The following DOCK2 variants were observed in gnomAD, a reference collection of about 807,000 sequenced individuals.
DOCK2 encodes the protein dedicator of cytokinesis 2.
Under a neutral mutation model 248.9 loss-of-function variants are expected in DOCK2, and 87 were observed. The ratio of observed to expected loss-of-function variants is 0.35; its 90% CI spans 0.29 to 0.42. The LOEUF is 0.42. Among genes scored for constraint, DOCK2 ranks in the 10% least tolerant of loss-of-function variants. DOCK2 has a pLI of 1.00. For missense variants in DOCK2, 1,747 were observed against 2,300.2 expected (o/e 0.76, Z 4.92); for synonymous variants, 805 against 821.6 (o/e 0.98, Z 0.35).
At position 169,954,424 on chromosome 5, in the gene DOCK2, T is replaced by A. The variant is rs145505940; in HGVS notation, c.2800-28644T>A. 2.0e-3 allele frequency among the ~76,000 whole-genome samples: 311 copies of A among 152,338 alleles called. 1 individual carries two copies. Among genetic ancestry groups the A allele is most frequent in the African/African-American group, 7.0e-3 (293 of 41,594 alleles). ...ATTTTTCAGTTTTATCTTTTTGTATTTTGAAGCCCCAAAAAATGTGTTTTC... is the reference window on the plus strand; with the variant it reads ...ATTTTTCAGTTTTATCTTTTTGTATATTGAAGCCCCAAAAAATGTGTTTTC... On this transcript the variant is annotated intron_variant, in intron 27 of 51. Transcript: ENST00000520908.
chr5:169,893,787 T>A (rs1773433585), intron 27 of DOCK2, among the ~76,000 whole-genome samples: 1 of 152,202 alleles, frequency 6.6e-6, no homozygotes, highest in Non-Finnish European at 1.5e-5. Flanking sequence ...AGGCCACTTC[T>A]AAGTTATTTT....
At chr5:169,911,535 G>A (rs987832573) in intron 27 of DOCK2, among the ~76,000 whole-genome samples, 12 of 152,278 alleles carry the variant, frequency 7.9e-5, no homozygotes, top group Non-Finnish European at 1.8e-4. Context: ...GAGTTCCTGA[G>A]ACAGTTTGAG....
intron 44 of DOCK2, among the ~76,000 whole-genome samples, chr5:170,062,232 G>A (rs1757359169): frequency 6.6e-6 from 1 of 151,924 alleles, no homozygotes; most frequent in Non-Finnish European, 1.5e-5. Flanking sequence ...TCAGGGTAAG[G>A]GAGTAAGGAG....
intron 27 of DOCK2, among the ~76,000 whole-genome samples, chr5:169,928,481 G>A (rs1775583805): frequency 6.6e-6 from 1 of 152,210 alleles, no homozygotes; most frequent in African/African-American, 2.4e-5. Context: ...GCTTCCCCAT[G>A]CATCAGTGCT....
rs113289730 is a variant in DOCK2 at position 170,008,489 on chromosome 5, A to C, written c.3073-8A>C. 2 of 1,613,828 alleles carry C rather than the reference A, an allele frequency of 1.2e-6. No individual in the cohort carries two copies. The highest frequency in any genetic ancestry group is 2.7e-5 in the African/African-American group (2 of 74,890). The stretch of plus-strand genomic sequence containing the variant: ...CTCCATAACTGTTCTCTGCTCTTTC[A>C]TTTACAGCTGTGGAACAACTATTTT... On this transcript the variant is annotated splice_polypyrimidine_tract_variant and splice_region_variant and intron_variant, in intron 30 of 51. Coordinates refer to ENST00000520908, the MANE Select transcript of DOCK2 (RefSeq NM_004946.3).
At chr5:169,979,474 G>GAGGT (rs1168628430) in intron 27 of DOCK2, among the ~76,000 whole-genome samples, 2 of 152,194 alleles carry the variant, frequency 1.3e-5, no homozygotes, top group East Asian at 3.9e-4. Flanking sequence ...TATGACAAAA[G>GAGGT]AGGTGGTTTT....
chr5:169,823,271 G>A (rs918659547), intron 26 of DOCK2, among the ~76,000 whole-genome samples: 4 of 152,120 alleles, frequency 2.6e-5, no homozygotes, highest in Admixed American at 6.5e-5. Context: ...CTCATTTTAC[G>A]AGGTCAGCAT....
In DOCK2 at chr5:170,038,065, A is replaced by G. The variant is rs948118380; in HGVS notation, c.3665+1510A>G. ...TGGGATATTTATAACATCACTAGTC[A>G]TACCTTATTGTAGCAGCACAAAGCT... On this transcript the variant is annotated intron_variant, in intron 36 of 51. Transcript: ENST00000520908. Among the ~76,000 whole-genome samples the G allele has an allele frequency of 7.2e-5, 11 of 152,348 alleles. No individual in the cohort carries two copies. In the East Asian group the frequency reaches 2.1e-3, roughly 29 times the overall value.
At chr5:169,910,947 T>C (rs1384365583) in intron 27 of DOCK2, among the ~76,000 whole-genome samples, 1 of 152,128 alleles carries the variant, frequency 6.6e-6, no homozygotes, top group African/African-American at 2.4e-5. Flanking sequence ...GTCCTTCCTA[T>C]ATCTGGGGTA....
chr5:169,919,721 G>A (rs887386821), intron 27 of DOCK2, among the ~76,000 whole-genome samples: 11 of 152,156 alleles, frequency 7.2e-5, no homozygotes, highest in African/African-American at 2.4e-4. Flanking sequence ...TTCCCCTGGC[G>A]ATTCTCTGAG....
At chr5:169,775,415 T>C (rs1765330685) in intron 25 of DOCK2, among the ~76,000 whole-genome samples, 1 of 152,092 alleles carries the variant, frequency 6.6e-6, no homozygotes, top group African/African-American at 2.4e-5. Context: ...TGCTGCTTGA[T>C]AGTCTGTCTC....
intron 36 of DOCK2, among the ~76,000 whole-genome samples, chr5:170,039,338 A>G (rs1394913757): frequency 6.6e-6 from 1 of 151,688 alleles, no homozygotes; most frequent in Non-Finnish European, 1.5e-5. Flanking sequence ...ACCATAGACC[A>G]CTCCTTCACA....
intron 27 of DOCK2, among the ~76,000 whole-genome samples, chr5:169,940,036 G>A (rs1210932441): frequency 6.6e-6 from 1 of 152,174 alleles, no homozygotes; most frequent in Non-Finnish European, 1.5e-5. Flanking sequence ...CATTCCCCAG[G>A]GAGTTTTCTC....
chr5:170,047,162 GA>G (rs1756743680), intron 39 of DOCK2, among the ~76,000 whole-genome samples: 2 of 152,104 alleles, frequency 1.3e-5, no homozygotes, highest in African/African-American at 4.8e-5. Flanking sequence ...TGGGAGCAGA[GA>G]TGCAATGATG....
At chr5:169,669,107 T>C (rs1394091433) in intron 2 of DOCK2, among the ~76,000 whole-genome samples, 181 bp from the exon 3 acceptor site, 2 of 152,180 alleles carry the variant, frequency 1.3e-5, no homozygotes, top group African/African-American at 2.4e-5. Context: ...TATTTTGAGA[T>C]GTTGGCAACC....
At chr5:169,794,717 G>C (rs2113085560) in intron 25 of DOCK2, among the ~76,000 whole-genome samples, 2 of 152,300 alleles carry the variant, frequency 1.3e-5, no homozygotes, top group East Asian at 3.9e-4. Flanking sequence ...GAGGTCAGGA[G>C]ATCGAGACCA....
At chr5:169,912,399 G>T (rs1287913653) in intron 27 of DOCK2, among the ~76,000 whole-genome samples, 1 of 152,114 alleles carries the variant, frequency 6.6e-6, no homozygotes, top group Non-Finnish European at 1.5e-5. Context: ...TTTCAGGATT[G>T]TTGCTCTACT....
intron 27 of DOCK2, chr5:169,883,247 C>G: frequency 6.4e-7 from 1 of 1,551,626 alleles, no homozygotes; most frequent in Middle Eastern, 1.7e-4. Context: ...AGAGCAGACT[C>G]TCTAGCTTCC....
At chr5:169,696,149 G>T (rs1489148362) in intron 10 of DOCK2, among the ~76,000 whole-genome samples, 1 of 152,208 alleles carries the variant, frequency 6.6e-6, no homozygotes, top group African/African-American at 2.4e-5. Context: ...TGAATCATGG[G>T]CTCCTCTTGT....
Sources: allele counts gnomAD v4.1 joint callset (sites outside exome capture counted in the v4.1 genomes callset), GRCh38; gene constraint gnomAD v4.1.1; transcripts MANE v1.5; gene names NCBI Gene and HGNC (gene_info 2026-07-23, HGNC 2026-07-21).